The following BCKDHB variants were observed in gnomAD, a reference collection of about 807,000 sequenced individuals.
BCKDHB encodes the protein branched chain keto acid dehydrogenase E1 subunit beta.
In BCKDHB, 41 loss-of-function variants were observed where a neutral mutation model predicts 48.5. The observed-to-expected ratio is 0.85, with a 90% CI of 0.66 to 1.10. BCKDHB has a LOEUF of 1.10. Among genes scored for constraint, BCKDHB ranks in the 50% least tolerant of loss-of-function variants. The pLI is 0.00. For synonymous variants in BCKDHB, 201 were observed against 174.8 expected (o/e 1.15, Z -1.18); for missense variants, 496 against 494.2 (o/e 1.00, Z -0.03).
the BCKDHB span, among the ~76,000 whole-genome samples, chr6:80,407,701 T>C: frequency 2.0e-4 from 30 of 152,210 alleles, no homozygotes; most frequent in Non-Finnish European, 2.9e-5. Context: ...TGCACATTGA[T>C]TTTGTATCCT....
intron 9 of BCKDHB, among the ~76,000 whole-genome samples, chr6:80,291,698 C>G (rs547398519): frequency 1.3e-5 from 2 of 151,952 alleles, no homozygotes; most frequent in South Asian, 4.2e-4. Context: ...CTGGTTGGTT[C>G]ACAGGAGTAA....
intron 1 of BCKDHB, among the ~76,000 whole-genome samples, chr6:80,107,328 T>C (rs1027155696): frequency 1.4e-5 from 2 of 146,208 alleles, no homozygotes; most frequent in Non-Finnish European, 3.0e-5. Flanking sequence ...TTTAAATGTA[T>C]ATTATATATA....
intron 1 of BCKDHB, among the ~76,000 whole-genome samples, chr6:80,124,134 C>G (rs1770202708): frequency 6.6e-6 from 1 of 152,132 alleles, no homozygotes; most frequent in African/African-American, 2.4e-5. Context: ...TTATTTCTGC[C>G]TTCTTTTCCT....
Position 80,339,966 on chromosome 6 carries a change from T to C in BCKDHB, c.1039-3698T>C, listed in dbSNP as rs1769806383. On this transcript the variant is annotated intron_variant, in intron 9 of 9. Transcript: ENST00000320393. ...CTTGGCTGTGTATGTAGCGATTTGATCTTGGGCAACCTCCTTTATCTTGGT... is the reference window on the plus strand; with the variant it reads ...CTTGGCTGTGTATGTAGCGATTTGACCTTGGGCAACCTCCTTTATCTTGGT... 2.0e-5 allele frequency among the ~76,000 whole-genome samples: 3 copies of C among 152,190 alleles called. No homozygotes were observed. The South Asian group carries it at 6.2e-4, about 32-fold the overall frequency.
At chr6:80,341,692 C>T (rs1241881216) in intron 9 of BCKDHB, among the ~76,000 whole-genome samples, 1 of 152,166 alleles carries the variant, frequency 6.6e-6, no homozygotes, top group East Asian at 1.9e-4. Context: ...TTCAAGAGAA[C>T]AGTCATTTTA....
intron 1 of BCKDHB, among the ~76,000 whole-genome samples, chr6:80,120,700 G>T (rs1769961896): frequency 6.6e-6 from 1 of 152,116 alleles, no homozygotes; most frequent in South Asian, 2.1e-4. Context: ...CCCACTTTTT[G>T]ATGGGTTTGT....
the BCKDHB span, among the ~76,000 whole-genome samples, chr6:80,421,625 G>A: frequency 6.6e-6 from 1 of 152,286 alleles, no homozygotes; most frequent in South Asian, 2.1e-4. Context: ...GGTCTCAGAT[G>A]GAACTTATTG....
the BCKDHB span, among the ~76,000 whole-genome samples, chr6:80,398,370 T>C: frequency 1.3e-5 from 2 of 151,724 alleles, no homozygotes; most frequent in Admixed American, 1.3e-4. Flanking sequence ...TTCAAGTAAA[T>C]ACAATTAGAA....
intron 8 of BCKDHB, among the ~76,000 whole-genome samples, chr6:80,227,464 A>G (rs1187274491): frequency 2.0e-5 from 3 of 152,154 alleles, no homozygotes; most frequent in Admixed American, 6.5e-5. Flanking sequence ...TAATTTTGCT[A>G]TGTTTTAAAA....
chr6:80,408,514 A>G, the BCKDHB span, among the ~76,000 whole-genome samples: 1 of 152,084 alleles, frequency 6.6e-6, no homozygotes, highest in African/African-American at 2.4e-5. Flanking sequence ...TAGGCTATTA[A>G]TTATTGCCTC....
chr6:80,135,068 T>C (rs1259692469), intron 3 of BCKDHB, among the ~76,000 whole-genome samples: 5 of 152,096 alleles, frequency 3.3e-5, no homozygotes, highest in Non-Finnish European at 7.4e-5. Context: ...CCAGCATAAG[T>C]TTTAAATTTA....
At chr6:80,396,322 A>T in the BCKDHB span, among the ~76,000 whole-genome samples, 27 of 152,192 alleles carry the variant, frequency 1.8e-4, no homozygotes, top group Non-Finnish European at 3.1e-4. Context: ...AAATGGATGT[A>T]TTTACCCAAT....
At chr6:80,185,950 A>G (rs1773620379) in intron 6 of BCKDHB, among the ~76,000 whole-genome samples, 2 of 152,190 alleles carry the variant, frequency 1.3e-5, no homozygotes, top group African/African-American at 4.8e-5. Flanking sequence ...ACCTCTGGTT[A>G]GTCAGGATGT....
chr6:80,246,850 T>C (rs1776639590), intron 8 of BCKDHB, among the ~76,000 whole-genome samples: 1 of 151,794 alleles, frequency 6.6e-6, no homozygotes, highest in African/African-American at 2.4e-5. Context: ...CACACACACA[T>C]ACACACATAC....
chr6:80,167,549 T>C, intron 3 of BCKDHB, 129 bp from the exon 4 acceptor site: 4 of 1,041,982 alleles, frequency 3.8e-6, no homozygotes, highest in Non-Finnish European at 5.7e-6. Flanking sequence ...GCCATACTCT[T>C]TATTTTCTGT....
chr6:80,118,887 T>A (rs151240066), intron 1 of BCKDHB, among the ~76,000 whole-genome samples: 1 of 152,338 alleles, frequency 6.6e-6, no homozygotes, highest in African/African-American at 2.4e-5. Flanking sequence ...TGAAGTTTTA[T>A]CATGAGATTG....
At chr6:80,393,398 G>C in the BCKDHB span, among the ~76,000 whole-genome samples, 1 of 152,134 alleles carries the variant, frequency 6.6e-6, no homozygotes, top group South Asian at 2.1e-4. Context: ...CAGGAGGGTA[G>C]AGGCCTGGGA....
At chr6:80,170,058 A>G (rs1772825631) in intron 5 of BCKDHB, 1 of 527,818 alleles carries the variant, frequency 1.9e-6, no homozygotes, top group Non-Finnish European at 2.4e-6. Flanking sequence ...TTTTTTTTTC[A>G]GCTGAAATGA....
intron 1 of BCKDHB, among the ~76,000 whole-genome samples, chr6:80,112,573 A>G (rs1251931924): frequency 6.6e-6 from 1 of 152,250 alleles, no homozygotes; most frequent in Non-Finnish European, 1.5e-5. Context: ...TTACTATATC[A>G]AACACACACA....
Sources: allele counts gnomAD v4.1 joint callset (sites outside exome capture counted in the v4.1 genomes callset), GRCh38; gene constraint gnomAD v4.1.1; transcripts MANE v1.5; gene names NCBI Gene and HGNC (gene_info 2026-07-23, HGNC 2026-07-21).